The following ZFPM2 variants were observed in gnomAD, a reference collection of about 807,000 sequenced individuals.
The protein encoded by ZFPM2 is zinc finger protein ZFPM2.
ZFPM2 carries 20 observed loss-of-function variants against 98.6 expected under a neutral mutation model. That is an observed-to-expected ratio of 0.20 (90% CI 0.14 to 0.29). ZFPM2 has a LOEUF of 0.29. Among genes scored for constraint, ZFPM2 ranks in the 10% least tolerant of loss-of-function variants. ZFPM2 has a pLI of 1.00. For missense variants in ZFPM2, 1,310 were observed against 1,388.6 expected (o/e 0.94, Z 0.90); for synonymous variants, 518 against 502.7 (o/e 1.03, Z -0.41).
intron 1 of ZFPM2, among the ~76,000 whole-genome samples, chr8:105,350,147 TAGACTTC>T (rs1479420918): frequency 6.6e-6 from 1 of 152,190 alleles, no homozygotes; most frequent in Non-Finnish European, 1.5e-5. Flanking sequence ...AATTTGGCAT[TAGACTTC>T]TAGAGTTCCT....
intron 1 of ZFPM2, among the ~76,000 whole-genome samples, chr8:105,340,223 C>T (rs1296103891): frequency 6.6e-6 from 1 of 151,826 alleles, no homozygotes; most frequent in Non-Finnish European, 1.5e-5. Context: ...TTTTTTCTCA[C>T]CTGTAAAATG....
intron 5 of ZFPM2, among the ~76,000 whole-genome samples, chr8:105,638,379 G>T (rs893399631): frequency 9.2e-5 from 14 of 152,066 alleles, no homozygotes; most frequent in Non-Finnish European, 1.3e-4. Flanking sequence ...GTGGTTGCTT[G>T]TTGGGCCAAC....
At chr8:105,557,771 T>C (rs1230036424) in intron 3 of ZFPM2, among the ~76,000 whole-genome samples, 2 of 152,202 alleles carry the variant, frequency 1.3e-5, no homozygotes, top group South Asian at 4.1e-4. Flanking sequence ...AAATAAGAAT[T>C]GGAGCTTTTC....
intron 2 of ZFPM2, among the ~76,000 whole-genome samples, chr8:105,426,943 T>C (rs183639963): frequency 1.4e-4 from 21 of 152,054 alleles, no homozygotes; most frequent in Admixed American, 2.6e-4. Context: ...GGTGACAGAG[T>C]GAGACTCCAC....
chr8:105,466,922 G>C (rs76847476), intron 3 of ZFPM2, among the ~76,000 whole-genome samples: 1 of 152,008 alleles, frequency 6.6e-6, no homozygotes, highest in Non-Finnish European at 1.5e-5. Flanking sequence ...CTAGTTTCAA[G>C]TCCTGTTTCA....
chr8:105,586,274 G>A (rs1815713039), intron 4 of ZFPM2, among the ~76,000 whole-genome samples: 1 of 151,972 alleles, frequency 6.6e-6, no homozygotes. Context: ...ACTTTGTTTT[G>A]TTTCACCTAC....
At chr8:105,765,943 A>G (rs1213328186) in intron 5 of ZFPM2, among the ~76,000 whole-genome samples, 1 of 151,900 alleles carries the variant, frequency 6.6e-6, no homozygotes, top group Non-Finnish European at 1.5e-5. Flanking sequence ...AAGGGGCCTC[A>G]TGTAGTTTAC....
chr8:105,331,817 A>G (rs1812239103), intron 1 of ZFPM2, among the ~76,000 whole-genome samples: 1 of 151,774 alleles, frequency 6.6e-6, no homozygotes, highest in South Asian at 2.1e-4. Flanking sequence ...TTACATTTTA[A>G]AAGGTAACAA....
At chr8:105,554,489 G>A (rs1256005530) in intron 3 of ZFPM2, among the ~76,000 whole-genome samples, 1 of 152,126 alleles carries the variant, frequency 6.6e-6, no homozygotes, top group Non-Finnish European at 1.5e-5. Context: ...GGCTGTCCAT[G>A]TTTGATACCA....
chr8:105,339,770 G>A (rs2342786), intron 1 of ZFPM2, among the ~76,000 whole-genome samples: 132,542 of 151,910 alleles, frequency 0.87, 58,106 homozygotes, highest in East Asian at 0.97. Flanking sequence ...TCTCATTCAC[G>A]TTGTGTCTCA....
chr8:105,801,037 GTC>G lies in ZFPM2; in HGVS notation c.965-4_965-3del, dbSNP rs147661076. 1.5e-3 allele frequency: 2,437 copies of G among 1,596,266 alleles called. 20 individuals carry two copies. In the African/African-American group the frequency reaches 0.027, roughly 18 times the overall value. On this transcript the variant is annotated splice_region_variant and splice_polypyrimidine_tract_variant and intron_variant, in intron 7 of 7. Transcript: ENST00000407775. The stretch of plus-strand genomic sequence containing the variant: ...GTTTCTCATTGTTCTTATTTTGTAT[GTC>G]TCTCTAGGAGTGAAAATGGAAGAAT...
At position 105,802,914 on chromosome 8, in the gene ZFPM2, C is replaced by T. The variant is rs763928259; in HGVS notation, c.2832C>T (p.Val944=). 1.2e-6 allele frequency: 2 copies of T among 1,613,474 alleles called. No homozygotes were observed. The highest frequency in any genetic ancestry group is 2.7e-5 in the African/African-American group (2 of 74,876). ...TAGCAACCCTGCAAGGCTTGAAGGT[C>T]TTTAGTGAAGCTGCTCAGCTCATTG... ...SHLATLQGLK[V]FSEAAQLIAT... The change falls in exon 8 of 8, where the codon GTC becomes GTT. Residue 944 remains valine, a synonymous_variant. Coordinates refer to ENST00000407775, the MANE Select transcript of ZFPM2 (RefSeq NM_012082.4).
At chr8:105,424,595 A>G (rs1332512343) in intron 2 of ZFPM2, among the ~76,000 whole-genome samples, 2 of 152,144 alleles carry the variant, frequency 1.3e-5, no homozygotes, top group Non-Finnish European at 2.9e-5. Context: ...AATGTAAAGC[A>G]TATTAAAGAA....
At chr8:105,447,042 G>A (rs1304998835) in intron 3 of ZFPM2, among the ~76,000 whole-genome samples, 4 of 152,012 alleles carry the variant, frequency 2.6e-5, no homozygotes, top group Non-Finnish European at 5.9e-5. Flanking sequence ...TAGTCAGAGA[G>A]AAAATTGTGC....
intron 4 of ZFPM2, among the ~76,000 whole-genome samples, chr8:105,615,591 A>G (rs909669840): frequency 1.1e-4 from 17 of 152,136 alleles, no homozygotes; most frequent in Admixed American, 1.1e-3. Context: ...GCTAAATGTT[A>G]AAGCCCATGA....
intron 3 of ZFPM2, among the ~76,000 whole-genome samples, chr8:105,465,976 A>C (rs1438327415): frequency 1.3e-5 from 2 of 152,014 alleles, no homozygotes; most frequent in East Asian, 1.9e-4. Flanking sequence ...GCATTTGCCT[A>C]AACATTCAAG....
chr8:105,451,580 G>A (rs1277154917), intron 3 of ZFPM2: 4 of 152,196 alleles, frequency 2.6e-5, no homozygotes, highest in Non-Finnish European at 5.9e-5. Context: ...ATGCCTTGTG[G>A]AGATAAAGGC....
chr8:105,595,041 A>G (rs1392560660), intron 4 of ZFPM2, among the ~76,000 whole-genome samples: 1 of 152,144 alleles, frequency 6.6e-6, no homozygotes, highest in African/African-American at 2.4e-5. Context: ...AATTATGGAA[A>G]GAATATGGGG....
chr8:105,628,074 G>A (rs1252646582), intron 4 of ZFPM2, among the ~76,000 whole-genome samples: 1 of 152,142 alleles, frequency 6.6e-6, no homozygotes, highest in Admixed American at 6.5e-5. Flanking sequence ...ATCTGCATCT[G>A]TAGAGTACTA....
Sources: gnomAD v4.1 joint callset for allele counts (sites outside exome capture counted in the v4.1 genomes callset) on GRCh38, gnomAD v4.1.1 for gene constraint, MANE v1.5 for transcripts, NCBI Gene and HGNC (gene_info 2026-07-23, HGNC 2026-07-21) for gene names.